Variants in LSAMP observed in about 807,000 individuals in gnomAD.
LSAMP encodes the protein limbic system associated membrane protein, also known as limbic system-associated membrane protein.
LSAMP carries 7 observed loss-of-function variants against 38.6 expected under a neutral mutation model. The observed-to-expected ratio is 0.18, with a 90% confidence interval of 0.10 to 0.34. LSAMP has a LOEUF of 0.34. LSAMP is among the 10% of genes least tolerant of loss of function. The probability of loss-of-function intolerance (pLI) is 1.00; values close to 1 mark genes in which losing one functional copy is unlikely to be tolerated. For missense variants in LSAMP, 313 were observed against 420.0 expected (o/e 0.75, Z 2.23); for synonymous variants, 154 against 166.8 (o/e 0.92, Z 0.59).
At chr3:116,258,161 G>C (rs913361156) in intron 1 of LSAMP, among the ~76,000 whole-genome samples, 2 of 151,904 alleles carry the variant, frequency 1.3e-5, no homozygotes, top group Non-Finnish European at 2.9e-5. Context: ...CAATTCTTTG[G>C]CCTCCTAAAC....
chr3:116,441,433 T>G (rs777594818), intron 1 of LSAMP, among the ~76,000 whole-genome samples: 13 of 152,244 alleles, frequency 8.5e-5, no homozygotes, highest in South Asian at 2.1e-4. Flanking sequence ...CATGGTTCTT[T>G]GTGGCCAAAT....
intron 1 of LSAMP, among the ~76,000 whole-genome samples, chr3:116,135,477 G>A (rs372352724): frequency 5.5e-4 from 83 of 152,260 alleles, no homozygotes; most frequent in Admixed American, 1.5e-3. Flanking sequence ...TAACTACTAT[G>A]GGATCGTATT....
At chr3:115,853,288 A>G (rs1329651572) in intron 3 of LSAMP, among the ~76,000 whole-genome samples, 1 of 152,232 alleles carries the variant, frequency 6.6e-6, no homozygotes, top group Non-Finnish European at 1.5e-5. Flanking sequence ...TCTCTGTTCT[A>G]TATCAAACTA....
At chr3:116,045,195 A>G (rs1376949417) in intron 2 of LSAMP, among the ~76,000 whole-genome samples, 1 of 152,232 alleles carries the variant, frequency 6.6e-6, no homozygotes, top group Non-Finnish European at 1.5e-5. Flanking sequence ...AACTCCAAAT[A>G]TAGGCATGTA....
rs1225095750 is a variant in LSAMP, at chr3:116,090,266, A to G, written c.156-3710T>C. On this transcript the variant is annotated intron_variant, in intron 1 of 6. Coordinates refer to ENST00000490035, the MANE Select transcript of LSAMP (RefSeq NM_002338.5). Reference sequence around the variant, plus strand: ...GAAAATATAGTAAACCAGAATCAGTAGTTTCAATTTGTAGAGGTCTACGTT... The same window carrying G: ...GAAAATATAGTAAACCAGAATCAGTGGTTTCAATTTGTAGAGGTCTACGTT... Among the ~76,000 whole-genome samples, 5 of 152,066 alleles carry G rather than the reference A, an allele frequency of 3.3e-5. No individual in the cohort carries two copies. In the East Asian group the frequency reaches 9.6e-4, roughly 29 times the overall value.
intron 3 of LSAMP, among the ~76,000 whole-genome samples, chr3:115,929,614 T>C (rs576303835): frequency 1.3e-5 from 2 of 152,312 alleles, no homozygotes; most frequent in Admixed American, 6.5e-5. Flanking sequence ...AACAAGTGTC[T>C]AACCTTAGCT....
rs146413094 is a variant in LSAMP at position 115,844,529 on chromosome 3, T to C, written c.650-1951A>G. 3.3e-4 allele frequency among the ~76,000 whole-genome samples: 50 copies of C among 152,242 alleles called. 2 individuals carry two copies. The East Asian group carries it at 9.1e-3, about 28-fold the overall frequency. ...TAATAGTGGTGCTGTGGGGGAGATA[T>C]TAATAAAGGGATGGGACACAGAATA... On this transcript the variant is annotated intron_variant, in intron 4 of 6. Coordinates refer to ENST00000490035, the MANE Select transcript of LSAMP (RefSeq NM_002338.5).
At chr3:116,353,904 T>C (rs143350590) in intron 1 of LSAMP, among the ~76,000 whole-genome samples, 1 of 152,252 alleles carries the variant, frequency 6.6e-6, no homozygotes, top group African/African-American at 2.4e-5. Flanking sequence ...ATAAAAATCA[T>C]TGTAGGAGAG....
At chr3:116,101,681 C>G (rs898993510) in intron 1 of LSAMP, among the ~76,000 whole-genome samples, 1 of 152,076 alleles carries the variant, frequency 6.6e-6, no homozygotes, top group Non-Finnish European at 1.5e-5. Flanking sequence ...TATTCTTTAA[C>G]AAATCTCTTA....
chr3:116,217,305 A>G (rs1350827072), intron 1 of LSAMP, among the ~76,000 whole-genome samples: 1 of 152,196 alleles, frequency 6.6e-6, no homozygotes, highest in African/African-American at 2.4e-5. Context: ...CCATCCACAA[A>G]CTAAAGAAAC....
chr3:116,189,370 T>C (rs1201757376), intron 1 of LSAMP, among the ~76,000 whole-genome samples: 1 of 152,156 alleles, frequency 6.6e-6, no homozygotes, highest in Non-Finnish European at 1.5e-5. Context: ...CAACTGGCTG[T>C]AGTGGGAATA....
intron 3 of LSAMP, among the ~76,000 whole-genome samples, chr3:115,997,992 G>A (rs1040499456): frequency 2.0e-5 from 3 of 148,392 alleles, no homozygotes; most frequent in Non-Finnish European, 4.5e-5. Flanking sequence ...GTGTGATATG[G>A]GGCTTTTCTG....
intron 3 of LSAMP, among the ~76,000 whole-genome samples, chr3:115,978,289 G>C (rs1009725274): frequency 6.6e-6 from 1 of 151,994 alleles, no homozygotes; most frequent in African/African-American, 2.4e-5. Context: ...ACTTAATATT[G>C]GTTCCCAGTA....
chr3:115,969,959 GGAT>G lies in LSAMP; in HGVS notation c.514+49553_514+49555del, dbSNP rs1399153870. Among the ~76,000 whole-genome samples, 6 of 152,180 alleles carry G rather than the reference GGAT, an allele frequency of 3.9e-5. No homozygotes were observed. In the East Asian group the frequency reaches 1.2e-3, roughly 29 times the overall value. On this transcript the variant is annotated intron_variant, in intron 3 of 6. Coordinates refer to ENST00000490035, the MANE Select transcript of LSAMP (RefSeq NM_002338.5). ...GAATTCTCCAAAGTAATATTCATAA[GGAT>G]GTTTTAAAGGAGTAGCAGCAAAAGA...
intron 1 of LSAMP, among the ~76,000 whole-genome samples, chr3:116,433,042 A>G (rs1402897763): frequency 6.6e-6 from 1 of 152,210 alleles, no homozygotes; most frequent in East Asian, 1.9e-4. Flanking sequence ...AACACCAGCT[A>G]CAAATTGGCA....
At chr3:115,903,817 C>T (rs529566180) in intron 3 of LSAMP, among the ~76,000 whole-genome samples, 1 of 152,074 alleles carries the variant, frequency 6.6e-6, no homozygotes, top group African/African-American at 2.4e-5. Flanking sequence ...GATTACTATG[C>T]CTTAAGACAC....
intron 3 of LSAMP, among the ~76,000 whole-genome samples, chr3:115,853,562 T>A (rs1935400286): frequency 6.6e-6 from 1 of 152,008 alleles, no homozygotes. Flanking sequence ...ATTTTCTTCC[T>A]GAAGAGATGG....
intron 1 of LSAMP, among the ~76,000 whole-genome samples, chr3:116,278,982 A>G (rs75991338): frequency 0.075 from 11,390 of 152,236 alleles, 748 homozygotes; most frequent in Admixed American, 0.16. Flanking sequence ...GCTTCATTCT[A>G]TAAAACTATC....
intron 3 of LSAMP, among the ~76,000 whole-genome samples, chr3:115,854,363 A>G (rs1377792597): frequency 1.4e-5 from 2 of 147,348 alleles, no homozygotes; most frequent in African/African-American, 2.5e-5. Flanking sequence ...GCTCACTGCA[A>G]GCTCCGCCTC....
Sources: gnomAD v4.1 joint callset for allele counts (sites outside exome capture counted in the v4.1 genomes callset) on GRCh38, gnomAD v4.1.1 for gene constraint, MANE v1.5 for transcripts, NCBI Gene and HGNC (gene_info 2026-07-23, HGNC 2026-07-21) for gene names.